The following TRRAP variants were observed in gnomAD, a reference collection of about 807,000 sequenced individuals.
The protein encoded by TRRAP is transformation/transcription domain-associated protein.
A neutral mutation model predicts 438.8 loss-of-function variants in TRRAP; 41 were observed. The observed-to-expected ratio is 0.09, with a 90% confidence interval of 0.07 to 0.12. The LOEUF (loss-of-function observed/expected upper bound fraction) is 0.12. TRRAP is among the 10% of genes least tolerant of loss of function. TRRAP has a pLI of 1.00. For missense variants in TRRAP, 3,122 were observed against 5,055.1 expected, an observed-to-expected ratio of 0.62 and a Z score of 11.60; for synonymous variants, 1,994 against 1,962.9, an observed-to-expected ratio of 1.02 and a Z score of -0.42.
At chr7:98,915,676 C>T in intron 18 of TRRAP, 47 bp from the exon 19 acceptor site, 2 of 1,594,644 alleles carry the variant, frequency 1.3e-6, no homozygotes, top group South Asian at 1.1e-5. Flanking sequence ...AGGGTATAGA[C>T]CCTCCTCATT....
At chr7:98,920,966 A>G (rs1447983169) in intron 20 of TRRAP, among the ~76,000 whole-genome samples, 1 of 152,008 alleles carries the variant, frequency 6.6e-6, no homozygotes, top group Admixed American at 6.6e-5. Context: ...CAGCCTCCCC[A>G]GTAGCTGGGA....
chr7:98,954,886 C>A (rs547613190), intron 40 of TRRAP, among the ~76,000 whole-genome samples: 1 of 152,332 alleles, frequency 6.6e-6, no homozygotes, highest in South Asian at 2.1e-4. Flanking sequence ...TCAGCACGGG[C>A]ACGTAGTAGG....
At chr7:98,910,440 T>C (rs782600260) in intron 15 of TRRAP, 21 bp downstream of exon 15, 15 of 1,611,952 alleles carry the variant, frequency 9.3e-6, no homozygotes, top group Non-Finnish European at 1.3e-5. Flanking sequence ...TCTTCAGTTA[T>C]GTAGACAAAC....
In TRRAP at chr7:98,967,047, A is replaced by G; in HGVS notation, c.7183A>G (p.Thr2395Ala). ...TTTCTCAAATTTCATACAGACACCT[A>G]CACTCCGGGAGAAGTCCATTTTGCT... Reference protein sequence around the residue: ...NSPMAANQTPTLREKSILLVK... With the variant: ...NSPMAANQTPALREKSILLVK... The change falls in exon 50 of 73, where the codon ACA (threonine) becomes GCA (alanine). Residue 2395 changes from threonine (T) to alanine (A), a missense_variant. By Grantham distance (58) the Thr-to-Ala change is moderately conservative. Transcript: ENST00000456197. The G allele has an allele frequency of 1.2e-6, 2 of 1,612,680 alleles. No homozygotes were observed. The highest frequency in any genetic ancestry group is 1.7e-6 in the Non-Finnish European group (2 of 1,179,434).
At chr7:98,938,561 A>ATG (rs1395948402) in intron 30 of TRRAP, among the ~76,000 whole-genome samples, 1 of 151,458 alleles carries the variant, frequency 6.6e-6, no homozygotes, top group Admixed American at 6.6e-5. Flanking sequence ...GGGGTACAAT[A>ATG]TATATATACA....
rs1256439141 is a variant in TRRAP, at chr7:98,908,225, C to G, written c.1116-503C>G. 6.6e-6 allele frequency among the ~76,000 whole-genome samples: 1 copy of G among 152,200 alleles called. No individual in the cohort carries two copies. Among genetic ancestry groups the G allele is most frequent in the Non-Finnish European group, 1.5e-5 (1 of 68,034 alleles). ...TTGTGTGTTCTCTGCTGTAAGTAAG[C>G]TTCCTGAGGACTGGGGCTCTACTTG... On this transcript the variant is annotated intron_variant, in intron 13 of 72. Transcript: ENST00000456197. The surrounding 1 kb of genome is among the most constrained non-coding windows in gnomAD (Gnocchi z 4.1).
At position 98,985,811 on chromosome 7, in the gene TRRAP, C is replaced by T. The variant is rs1002343234; in HGVS notation, c.9389+767C>T. Among the ~76,000 whole-genome samples the T allele has an allele frequency of 3.3e-5, 5 of 152,184 alleles. 1 individual carries two copies. Among genetic ancestry groups the T allele is most frequent in the Non-Finnish European group, 7.3e-5 (5 of 68,038 alleles). ...TAATGTTTTAAATTCATGTGACAGA[C>T]ACAACCATTCCAAAGTGTACAATTT... On this transcript the variant is annotated intron_variant, in intron 62 of 72. Coordinates refer to ENST00000456197, the MANE Select transcript of TRRAP (RefSeq NM_001375524.1).
intron 65 of TRRAP, 76 bp from the exon 66 acceptor site, chr7:98,993,462 A>G: frequency 6.7e-6 from 10 of 1,496,010 alleles, no homozygotes; most frequent in South Asian, 1.2e-5. Context: ...CCTTTGGCCC[A>G]TGGGTCCTGC....
intron 4 of TRRAP, among the ~76,000 whole-genome samples, chr7:98,890,824 CTG>C (rs1308845902): frequency 1.7e-5 from 2 of 118,642 alleles, no homozygotes; most frequent in Non-Finnish European, 3.3e-5. Context: ...AGGTCTCACT[CTG>C]TCACCCAGTC....
chr7:99,011,388 C>T lies in TRRAP; in HGVS notation c.11190C>T (p.Asp3730=), dbSNP rs772027669. ...CCTACTTTCGATTTGACATAAACGA[C>T]GCGACTGGAGACCTGGATGCCAACC... ...NVAYFRFDIN[D]ATGDLDANRP... The change falls in exon 72 of 73, where the codon GAC becomes GAT. Residue 3730 remains aspartate, a synonymous_variant. Coordinates refer to ENST00000456197, the MANE Select transcript of TRRAP (RefSeq NM_001375524.1). The surrounding 1 kb of genome is among the most constrained non-coding windows in gnomAD (Gnocchi z 7.1). The T allele has an allele frequency of 1.9e-5, 31 of 1,614,114 alleles. No homozygotes were observed. Among genetic ancestry groups the T allele is most frequent in the African/African-American group, 2.7e-5 (2 of 74,950 alleles).
rs562189590 is a variant in TRRAP at position 98,993,412 on chromosome 7, C to T, written c.9848-126C>T. The stretch of plus-strand genomic sequence containing the variant: ...TTCTCCCACGCAGTCCTTGGGGAAG[C>T]GGTCTTGTAGGGATTCACACGCCGG... On this transcript the variant is annotated intron_variant, in intron 65 of 72. Transcript: ENST00000456197. The T allele has an allele frequency of 1.4e-4, 145 of 1,006,406 alleles. 1 individual carries two copies. The Middle Eastern group carries it at 2.2e-3, about 15-fold the overall frequency. 62.3% of individuals were successfully genotyped at this position (1,006,406 alleles called of 1,614,324 possible). A position where few individuals can be genotyped will look rare whatever the true frequency, so the allele number is the denominator to read the frequency against.
chr7:99,011,067 C>T lies in TRRAP; in HGVS notation c.10954C>T (p.Leu3652Phe), dbSNP rs147802179. 1 of 1,613,946 alleles carries T rather than the reference C, an allele frequency of 6.2e-7. No homozygotes were observed. The highest frequency in any genetic ancestry group is 1.3e-5 in the African/African-American group (1 of 74,922). Residue 3652 changes from leucine (L) to phenylalanine (F), a missense_variant, in exon 71 of 73, where the codon CTC becomes TTC. This residue lies in a region of TRRAP where 192 missense variants were observed against 355.6 expected (regional missense o/e 0.54). Coordinates refer to ENST00000456197, the MANE Select transcript of TRRAP (RefSeq NM_001375524.1). The surrounding 1 kb of genome is among the most constrained non-coding windows in gnomAD (Gnocchi z 7.1). ...QASHQVLRDI[L>F]KEVQSNMVPR... ...TGTGTTTCAGGTCCTCCGCGACATC[C>T]TCAAGGAGGTTCAGAGTAACATGGT...
chr7:98,970,005 C>G, intron 51 of TRRAP, 107 bp from the exon 52 acceptor site: 1 of 1,367,334 alleles, frequency 7.3e-7, no homozygotes, highest in Non-Finnish European at 1.0e-6. Flanking sequence ...ATACTTGGAC[C>G]TGCAGAGTCA....
At chr7:98,915,596 TCCC>T in intron 18 of TRRAP, 124 bp from the exon 19 acceptor site, 2 of 1,193,194 alleles carry the variant, frequency 1.7e-6, no homozygotes, top group Non-Finnish European at 2.3e-6. Flanking sequence ...TTTGGTTTTT[TCCC>T]TTTGGAGTAA....
chr7:98,888,966 A>G (rs1489889858), intron 3 of TRRAP, among the ~76,000 whole-genome samples: 1 of 151,990 alleles, frequency 6.6e-6, no homozygotes, highest in Non-Finnish European at 1.5e-5. Flanking sequence ...TATTTGTTGA[A>G]TGAATAAGTG....
intron 47 of TRRAP, among the ~76,000 whole-genome samples, 185 bp downstream of exon 47, chr7:98,962,612 C>T (rs866587825): frequency 6.6e-6 from 1 of 152,240 alleles, no homozygotes; most frequent in Non-Finnish European, 1.5e-5. Flanking sequence ...CATCCCCCTT[C>T]GCCGATGCTT....
intron 4 of TRRAP, among the ~76,000 whole-genome samples, chr7:98,891,187 T>C (rs1795951584): frequency 1.4e-5 from 1 of 73,558 alleles, no homozygotes; most frequent in Admixed American, 1.7e-4. Flanking sequence ...CATTTAGAAA[T>C]AGTCCATATA....
At chr7:98,894,986 T>C (rs1554405527) in intron 6 of TRRAP, among the ~76,000 whole-genome samples, 2 of 152,118 alleles carry the variant, frequency 1.3e-5, no homozygotes, top group African/African-American at 4.8e-5. Flanking sequence ...TCTACATAAT[T>C]GTGGTAATAC....
At chr7:98,966,109 G>A (rs529196997) in intron 49 of TRRAP, among the ~76,000 whole-genome samples, 8 of 151,970 alleles carry the variant, frequency 5.3e-5, no homozygotes, top group Non-Finnish European at 1.2e-4. Flanking sequence ...GATTGAGACC[G>A]TCCTGGCTAA....
Sources: gnomAD v4.1 joint callset for allele counts (sites outside exome capture counted in the v4.1 genomes callset) on GRCh38, gnomAD v4.1.1 for gene constraint, gnomAD v4.1.1 regional missense constraint, Gnocchi (gnomAD v3.1) non-coding constraint, MANE v1.5 for transcripts, NCBI Gene and HGNC (gene_info 2026-07-23, HGNC 2026-07-21) for gene names.